Variants in NBPF9 observed in about 807,000 individuals in gnomAD.
NBPF9 encodes the protein NBPF member 9.
In NBPF9, 91 loss-of-function variants were observed where a neutral mutation model predicts 97.8. The observed-to-expected ratio is 0.93, with a 90% confidence interval of 0.79 to 1.11. The LOEUF is 1.11. NBPF9 is among the 50% of genes least tolerant of loss of function. The pLI is 0.00. For missense variants in NBPF9, 992 were observed against 939.5 expected, an observed-to-expected ratio of 1.06 and a Z score of -0.73; for synonymous variants, 334 against 359.5, an observed-to-expected ratio of 0.93 and a Z score of 0.80.
intron 4 of NBPF9, among the ~76,000 whole-genome samples, chr1:149,097,449 G>T (rs1307683353): frequency 8.7e-4 from 132 of 152,298 alleles, no homozygotes; most frequent in Non-Finnish European, 1.6e-3. Context: ...AGAAAGAGAT[G>T]AGACAGTGGA....
chr1:149,063,964 G>T (rs376693757), intron 19 of NBPF9, among the ~76,000 whole-genome samples, 159 bp from the exon 20 acceptor site: 2 of 142,126 alleles, frequency 1.4e-5, no homozygotes, highest in South Asian at 2.4e-4. Context: ...GGATAGACTA[G>T]GGCCAGGTAG....
At chr1:149,060,315 TG>T in intron 24 of NBPF9, 2 of 412,462 alleles carry the variant, frequency 4.8e-6, no homozygotes, top group Non-Finnish European at 9.0e-6. Flanking sequence ...AGGTATGGCC[TG>T]AGACTAGGAA....
At chr1:149,083,022 G>A (rs1250733431) in intron 5 of NBPF9, among the ~76,000 whole-genome samples, 18,148 of 128,106 alleles carry the variant, frequency 0.14, 1,507 homozygotes, top group Non-Finnish European at 0.19. Context: ...TGTTAGCCAC[G>A]ATGGTCTCGA....
chr1:149,090,638 G>A (rs2081355144), intron 5 of NBPF9, 115 bp downstream of exon 5: 3 of 612,506 alleles, frequency 4.9e-6, no homozygotes, highest in East Asian at 5.6e-5. Flanking sequence ...GTGATACGAA[G>A]AAAACTCAGC....
At chr1:149,072,086 CAGA>C (rs1270602166) in intron 14 of NBPF9, among the ~76,000 whole-genome samples, 1 of 148,984 alleles carries the variant, frequency 6.7e-6, no homozygotes, top group African/African-American at 2.5e-5. Context: ...CTCTATGCAT[CAGA>C]AGATTTCAAG....
chr1:149,059,895 C>A (rs2152866851), intron 24 of NBPF9, 87 bp from the exon 25 acceptor site: 1 of 475,644 alleles, frequency 2.1e-6, no homozygotes, highest in Non-Finnish European at 3.8e-6. Flanking sequence ...ACACAGGGAC[C>A]TCAGGCTCCT....
rs782370431 is a variant in NBPF9 at position 149,072,947 on chromosome 1, T to C, written c.1092-15A>G. The C allele has an allele frequency of 1.9e-6, 3 of 1,605,550 alleles. No homozygotes were observed. The highest frequency in any genetic ancestry group is 2.3e-4 in the Middle Eastern group (1 of 4,424). On this transcript the variant is annotated splice_polypyrimidine_tract_variant and intron_variant, in intron 13 of 29. Coordinates refer to ENST00000584027, the Ensembl canonical transcript of NBPF9. Reference sequence around the variant, plus strand: ...CTTTATATTGCCTAAGGTGAGATGGTAGAGAAAAATTAAGAGTGGAAAGGG... The same window carrying C: ...CTTTATATTGCCTAAGGTGAGATGGCAGAGAAAAATTAAGAGTGGAAAGGG...
At chr1:149,097,124 G>T (rs2081829177) in intron 4 of NBPF9, among the ~76,000 whole-genome samples, 1 of 150,950 alleles carries the variant, frequency 6.6e-6, no homozygotes, top group African/African-American at 2.4e-5. Flanking sequence ...AAGGGAAGGA[G>T]GGAGGGAAAG....
exon 9 of NBPF9, chr1:149,079,024 A>G (rs2080158434): frequency 1.3e-6 from 2 of 1,516,120 alleles, no homozygotes; most frequent in Admixed American, 3.5e-5. Context: ...GAGCTTTTGG[A>G]CAAGGTGCTG....
intron 5 of NBPF9, among the ~76,000 whole-genome samples, chr1:149,084,604 G>A (rs1286195161): frequency 6.6e-6 from 1 of 150,858 alleles, no homozygotes; most frequent in African/African-American, 2.4e-5. Context: ...CAACGGCCAG[G>A]TGGACACCTC....
At chr1:149,098,012 G>A (rs1428408613) in intron 4 of NBPF9, among the ~76,000 whole-genome samples, 7 of 152,004 alleles carry the variant, frequency 4.6e-5, no homozygotes, top group Admixed American at 2.6e-4. Flanking sequence ...GACAGTGCAG[G>A]GCCTTAGCCT....
intron 3 of NBPF9, among the ~76,000 whole-genome samples, chr1:149,100,073 C>A (rs1163095687): frequency 7.0e-6 from 1 of 142,134 alleles, no homozygotes; most frequent in Non-Finnish European, 1.5e-5. Flanking sequence ...CTTTAAATGG[C>A]TTAACGCTTA....
At chr1:149,056,438 C>A (rs1418443253) in intron 29 of NBPF9, 74 bp downstream of exon 29, 1 of 123,612 alleles carries the variant, frequency 8.1e-6, no homozygotes, top group Non-Finnish European at 1.3e-5. Flanking sequence ...ACATCAAACA[C>A]ACTCTGGTTT....
In NBPF9 at chr1:149,080,037, C is replaced by A. The variant is rs1424497214; in HGVS notation, c.278+16G>T. ...ACACACCTACCCGCCTGCCTCCCCC[C>A]ACGGGGTCCCCTCACCTGAGCTCCT... is the stretch of plus-strand genomic sequence containing the variant. On this transcript the variant is annotated intron_variant, in intron 8 of 29. Coordinates refer to ENST00000584027, the Ensembl canonical transcript of NBPF9. 4.0e-4 allele frequency: 593 copies of A among 1,470,822 alleles called. No homozygotes were observed. In the East Asian group the frequency reaches 0.013, roughly 31 times the overall value. The allele number at this position is 1,470,822 out of a possible 1,614,324, so 91.1% of individuals were successfully genotyped here. A position where few individuals can be genotyped will look rare whatever the true frequency, so the allele number is the denominator to read the frequency against.
exon 22 of NBPF9, chr1:149,062,238 T>A (rs782352499): frequency 1.1e-6 from 1 of 919,978 alleles, no homozygotes; most frequent in Non-Finnish European, 1.8e-6. Flanking sequence ...CTTCAGGCTC[T>A]TTCTCATCCA....
rs1398008720 is a variant in NBPF9, at chr1:149,077,820, T to A, written c.566+63A>T. On this transcript the variant is annotated intron_variant, in intron 10 of 29. Coordinates refer to ENST00000584027, the Ensembl canonical transcript of NBPF9. ...GGCCCACCATAGATGCCAGAGAGGG[T>A]GTGCCTCCTAGACATCTTCATATGT... 2.5e-6 allele frequency: 4 copies of A among 1,592,156 alleles called. No homozygotes were observed. In the African/African-American group the frequency reaches 4.0e-5, roughly 16 times the overall value.
chr1:149,097,336 A>C (rs1434216869), intron 4 of NBPF9, among the ~76,000 whole-genome samples: 1 of 152,208 alleles, frequency 6.6e-6, no homozygotes, highest in East Asian at 1.9e-4. Flanking sequence ...TACTGTTTCC[A>C]TGGGGTACAA....
At chr1:149,064,762 T>A (rs1444334001) in intron 18 of NBPF9, 32 of 607,490 alleles carry the variant, frequency 5.3e-5, no homozygotes, top group Non-Finnish European at 8.4e-5. Flanking sequence ...TTTTCCCCAA[T>A]AAATTGTAGG....
At chr1:149,086,643 T>C in intron 5 of NBPF9, among the ~76,000 whole-genome samples, 1 of 152,356 alleles carries the variant, frequency 6.6e-6, no homozygotes, top group South Asian at 2.1e-4. Context: ...ATCATTTATG[T>C]ATTTAGATGA....
Sources: allele counts gnomAD v4.1 joint callset (sites outside exome capture counted in the v4.1 genomes callset), GRCh38; gene constraint gnomAD v4.1.1; transcripts MANE v1.5; gene names NCBI Gene and HGNC (gene_info 2026-07-23, HGNC 2026-07-21).